The following MEI4 variants were observed in gnomAD, a reference collection of about 807,000 sequenced individuals.
MEI4 encodes meiotic double-stranded break formation protein 4, also known as meiosis-specific protein MEI4.
In MEI4, 27 loss-of-function variants were observed where a neutral mutation model predicts 31.4. That is an observed-to-expected ratio of 0.86 (90% CI 0.63 to 1.19). The LOEUF (loss-of-function observed/expected upper bound fraction) is 1.19. Among genes scored for constraint, MEI4 ranks in the 50% most tolerant of loss-of-function variants. MEI4 has a pLI of 0.00. For missense variants in MEI4, 329 were observed against 398.9 expected (o/e 0.82, Z 1.49); for synonymous variants, 122 against 145.4 (o/e 0.84, Z 1.16).
chr6:77,692,827 G>A (rs1272143722), intron 2 of MEI4, among the ~76,000 whole-genome samples: 1 of 152,010 alleles, frequency 6.6e-6, no homozygotes, highest in Non-Finnish European at 1.5e-5. Context: ...CTGGAATATG[G>A]ATTACCTAGA....
intron 4 of MEI4, among the ~76,000 whole-genome samples, chr6:77,867,218 AC>A (rs1182938499): frequency 4.6e-4 from 70 of 152,356 alleles, no homozygotes; most frequent in African/African-American, 1.6e-3. Context: ...GCCAAAATTG[AC>A]AAATGGGATC....
chr6:77,919,010 GACAT>G (rs1162790902), intron 4 of MEI4, among the ~76,000 whole-genome samples: 1 of 151,958 alleles, frequency 6.6e-6, no homozygotes, highest in Non-Finnish European at 1.5e-5. Flanking sequence ...AGTCCTGAGT[GACAT>G]ACAAAGAGAC....
intron 4 of MEI4, among the ~76,000 whole-genome samples, chr6:77,859,403 A>T (rs1284657619): frequency 6.6e-6 from 1 of 152,114 alleles, no homozygotes; most frequent in African/African-American, 2.4e-5. Flanking sequence ...TGCTGGGTCA[A>T]ATGGTATTTC....
At chr6:77,747,646 G>C (rs1242015665) in intron 2 of MEI4, among the ~76,000 whole-genome samples, 1 of 152,100 alleles carries the variant, frequency 6.6e-6, no homozygotes, top group East Asian at 1.9e-4. Context: ...TTTGGGTGGG[G>C]ACACAGAGCC....
chr6:77,904,989 A>G (rs1293256068), intron 4 of MEI4, among the ~76,000 whole-genome samples: 2 of 152,128 alleles, frequency 1.3e-5, no homozygotes, highest in Admixed American at 6.6e-5. Context: ...ACTTTTTACC[A>G]GTGAGTTTTA....
intron 4 of MEI4, among the ~76,000 whole-genome samples, chr6:77,873,301 G>A (rs1771244869): frequency 1.3e-5 from 2 of 152,178 alleles, no homozygotes; most frequent in African/African-American, 4.8e-5. Flanking sequence ...CATTCTAACT[G>A]GAGTGAGATG....
chr6:77,663,774 G>A lies in MEI4; in HGVS notation c.-15+10682G>A, dbSNP rs546295854. On this transcript the variant is annotated intron_variant, in intron 1 of 4. Coordinates refer to ENST00000684080, the MANE Select transcript of MEI4 (RefSeq NM_001322247.2). ...GAGAGTTACCCGAAGCTCGGGGTCC[G>A]TGATGGTCTAGGGGGCTTCCGAGGC... 1.2e-3 allele frequency among the ~76,000 whole-genome samples: 178 copies of A among 152,246 alleles called. 1 individual carries two copies. The highest frequency in any genetic ancestry group is 2.3e-3 in the Non-Finnish European group (155 of 68,008).
At chr6:77,899,598 C>T (rs187033370) in intron 4 of MEI4, among the ~76,000 whole-genome samples, 4 of 152,096 alleles carry the variant, frequency 2.6e-5, no homozygotes, top group East Asian at 1.9e-4. Context: ...TAGATGAGCA[C>T]GTTACACCTA....
chr6:77,694,596 CA>C (rs1562208672), intron 2 of MEI4, among the ~76,000 whole-genome samples: 1 of 152,080 alleles, frequency 6.6e-6, no homozygotes, highest in Admixed American at 6.5e-5. Flanking sequence ...ATGAACTCAT[CA>C]TTTTTTATGG....
chr6:77,666,773 C>T (rs1768642324), intron 1 of MEI4, among the ~76,000 whole-genome samples: 1 of 152,078 alleles, frequency 6.6e-6, no homozygotes, highest in South Asian at 2.1e-4. Context: ...ATTACTTCCT[C>T]CTGTCTCACT....
At chr6:77,918,777 T>C (rs901368607) in intron 4 of MEI4, among the ~76,000 whole-genome samples, 1 of 151,960 alleles carries the variant, frequency 6.6e-6, no homozygotes, top group Non-Finnish European at 1.5e-5. Context: ...TCCTGCCTAA[T>C]TGCCCTGGCC....
intron 3 of MEI4, among the ~76,000 whole-genome samples, chr6:77,801,818 G>C (rs559688522): frequency 6.6e-6 from 1 of 152,284 alleles, no homozygotes; most frequent in South Asian, 2.1e-4. Flanking sequence ...GTTGTAGTTT[G>C]ATTGCACTGT....
intron 4 of MEI4, among the ~76,000 whole-genome samples, chr6:77,879,802 T>C (rs188971969): frequency 1.5e-4 from 23 of 152,242 alleles, no homozygotes; most frequent in Admixed American, 1.3e-3. Context: ...CCTTACAGGA[T>C]CTGCTTTCAA....
chr6:77,843,204 A>G (rs971994865), intron 4 of MEI4, among the ~76,000 whole-genome samples: 1 of 151,840 alleles, frequency 6.6e-6, no homozygotes, highest in Non-Finnish European at 1.5e-5. Flanking sequence ...TCCCTGGGAA[A>G]CCCTGGGAAA....
chr6:77,883,018 A>G (rs1341035515), intron 4 of MEI4, among the ~76,000 whole-genome samples: 3 of 152,120 alleles, frequency 2.0e-5, no homozygotes, highest in African/African-American at 7.2e-5. Flanking sequence ...TTTCCAGAAA[A>G]TAATTGCTTA....
chr6:77,713,970 G>A (rs978556326), intron 2 of MEI4, among the ~76,000 whole-genome samples: 2 of 151,970 alleles, frequency 1.3e-5, no homozygotes, highest in African/African-American at 4.8e-5. Flanking sequence ...CTACTTATAA[G>A]TAAGAATATG....
chr6:77,767,059 T>C (rs979938723), intron 3 of MEI4, among the ~76,000 whole-genome samples: 1 of 152,132 alleles, frequency 6.6e-6, no homozygotes, highest in Non-Finnish European at 1.5e-5. Flanking sequence ...TTAAGGGTCA[T>C]TTCATCCTTG....
At chr6:77,848,682 C>T (rs111851929) in intron 4 of MEI4, among the ~76,000 whole-genome samples, 4,046 of 152,164 alleles carry the variant, frequency 0.027, 95 homozygotes, top group South Asian at 0.13. Flanking sequence ...ACTACTCTCT[C>T]AAGGAAACTC....
At chr6:77,864,392 C>T (rs1240611873) in intron 4 of MEI4, among the ~76,000 whole-genome samples, 1 of 151,968 alleles carries the variant, frequency 6.6e-6, no homozygotes, top group Non-Finnish European at 1.5e-5. Context: ...GAAGATCTAC[C>T]AAGCAAATGG....
Sources: gnomAD v4.1 joint callset for allele counts (sites outside exome capture counted in the v4.1 genomes callset) on GRCh38, gnomAD v4.1.1 for gene constraint, MANE v1.5 for transcripts, NCBI Gene and HGNC (gene_info 2026-07-23, HGNC 2026-07-21) for gene names.